Variants in ZBTB20 observed in about 807,000 individuals in gnomAD.
The protein encoded by ZBTB20 is zinc finger and BTB domain containing 20.
A neutral mutation model predicts 56.9 loss-of-function variants in ZBTB20; 9 were observed. The observed-to-expected ratio is 0.16, with a 90% CI of 0.10 to 0.28. The LOEUF (loss-of-function observed/expected upper bound fraction) is 0.28. Ranked by LOEUF, ZBTB20 falls within the 10% of genes least tolerant of loss-of-function variation. The probability of loss-of-function intolerance (pLI) is 1.00; values close to 1 mark genes in which losing one functional copy is unlikely to be tolerated. For missense variants in ZBTB20, 655 were observed against 1,003.0 expected, an observed-to-expected ratio of 0.65 and a Z score of 4.69; for synonymous variants, 417 against 420.7, an observed-to-expected ratio of 0.99 and a Z score of 0.11.
At chr3:114,608,373 C>G (rs2107673073) in intron 6 of ZBTB20, among the ~76,000 whole-genome samples, 1 of 152,202 alleles carries the variant, frequency 6.6e-6, no homozygotes, top group East Asian at 1.9e-4. Flanking sequence ...ATCCAAATGC[C>G]AAGGCCCCTT....
intron 1 of ZBTB20, among the ~76,000 whole-genome samples, chr3:115,121,566 A>C (rs957224144): frequency 5.9e-5 from 9 of 152,068 alleles, no homozygotes; most frequent in African/African-American, 2.4e-5. Context: ...GTCTAGATGC[A>C]TTACTTCAAA....
intron 2 of ZBTB20, among the ~76,000 whole-genome samples, chr3:115,060,946 G>T (rs960153663): frequency 4.6e-5 from 7 of 152,054 alleles, no homozygotes; most frequent in Admixed American, 2.0e-4. Flanking sequence ...GTAGGTTAGA[G>T]AATTCACCTT....
intron 5 of ZBTB20, among the ~76,000 whole-genome samples, chr3:114,787,901 A>G (rs770996638): frequency 6.6e-6 from 1 of 152,158 alleles, no homozygotes. Context: ...CAAAATGAGA[A>G]TGTCTAACAT....
intron 6 of ZBTB20, among the ~76,000 whole-genome samples, chr3:114,521,781 G>A (rs934710816): frequency 6.6e-6 from 1 of 152,122 alleles, no homozygotes; most frequent in African/African-American, 2.4e-5. Flanking sequence ...CTAAGATTCT[G>A]GATAAGCCTG....
chr3:114,421,842 C>A (rs1290199548), intron 7 of ZBTB20, among the ~76,000 whole-genome samples: 2 of 149,430 alleles, frequency 1.3e-5, no homozygotes, highest in South Asian at 2.1e-4. Flanking sequence ...GGGTGGTGAG[C>A]CTTTCAGGGA....
intron 6 of ZBTB20, among the ~76,000 whole-genome samples, chr3:114,631,379 A>ATACT (rs2058931778): frequency 4.5e-5 from 1 of 22,382 alleles, no homozygotes; most frequent in East Asian, 1.5e-3. Flanking sequence ...TAAATAGGTT[A>ATACT]TTCTTTTTTT....
chr3:114,406,427 C>G (rs939065616), intron 7 of ZBTB20, among the ~76,000 whole-genome samples: 1 of 152,130 alleles, frequency 6.6e-6, no homozygotes, highest in African/African-American at 2.4e-5. Flanking sequence ...TCTTTACCAT[C>G]TGGTCTCAAG....
At chr3:115,053,609 GT>G (rs1391187081) in intron 2 of ZBTB20, among the ~76,000 whole-genome samples, 1 of 152,010 alleles carries the variant, frequency 6.6e-6, no homozygotes, top group African/African-American at 2.4e-5. Flanking sequence ...AATTAAGTAT[GT>G]GTATATTAAC....
intron 6 of ZBTB20, among the ~76,000 whole-genome samples, chr3:114,587,484 A>G (rs765004953): frequency 6.6e-6 from 1 of 152,220 alleles, no homozygotes; most frequent in Non-Finnish European, 1.5e-5. Context: ...AAGCGATAAT[A>G]GTACTCATTG....
At chr3:115,076,469 G>A (rs187349557) in intron 1 of ZBTB20, among the ~76,000 whole-genome samples, 8 of 152,176 alleles carry the variant, frequency 5.3e-5, no homozygotes, top group South Asian at 2.1e-4. Flanking sequence ...GGATAGTCTC[G>A]TCAACAAATG....
At chr3:114,801,330 G>GAA (rs779994547) in intron 4 of ZBTB20, among the ~76,000 whole-genome samples, 156 bp from the exon 5 acceptor site, 7 of 67,030 alleles carry the variant, frequency 1.0e-4, no homozygotes, top group Non-Finnish European at 1.9e-4. Flanking sequence ...TTCTGTTAAG[G>GAA]AAAAAAAAAA....
chr3:114,552,733 A>AAAATATAT (rs1342083057), intron 6 of ZBTB20, among the ~76,000 whole-genome samples: 1 of 152,144 alleles, frequency 6.6e-6, no homozygotes, highest in Non-Finnish European at 1.5e-5. Context: ...TGTTGTTAAA[A>AAAATATAT]AAATATATAA....
chr3:114,785,981 T>C (rs1447864331), intron 5 of ZBTB20, among the ~76,000 whole-genome samples: 1 of 152,140 alleles, frequency 6.6e-6, no homozygotes, highest in African/African-American at 2.4e-5. Flanking sequence ...TTTACACTTT[T>C]GAAATCTACT....
intron 2 of ZBTB20, among the ~76,000 whole-genome samples, chr3:115,010,879 G>A (rs1161410118): frequency 6.6e-6 from 1 of 151,936 alleles, no homozygotes; most frequent in Non-Finnish European, 1.5e-5. Context: ...CTGTGTTGAG[G>A]AAACTCAATT....
At chr3:114,515,078 G>T (rs909108087) in intron 6 of ZBTB20, among the ~76,000 whole-genome samples, 1 of 152,146 alleles carries the variant, frequency 6.6e-6, no homozygotes, top group Admixed American at 6.5e-5. Context: ...CTTGAATCCA[G>T]TCTATGCCCT....
Position 114,594,078 on chromosome 3 carries a change from T to A in ZBTB20, c.-294-93687A>T, listed in dbSNP as rs2056079782. On this transcript the variant is annotated intron_variant, in intron 6 of 11. Transcript: ENST00000675478. ...TTTACTATGTGATTAGTAGACAAAG[T>A]ATATACTAAAGAAAGCTGAGGAAGT... Among the ~76,000 whole-genome samples, 3 of 152,096 alleles carry A rather than the reference T, an allele frequency of 2.0e-5. No homozygotes were observed. The South Asian group carries it at 6.2e-4, about 32-fold the overall frequency.
intron 7 of ZBTB20, among the ~76,000 whole-genome samples, chr3:114,424,684 A>T (rs1460415631): frequency 6.6e-6 from 1 of 152,172 alleles, no homozygotes; most frequent in African/African-American, 2.4e-5. Context: ...CCCCTGCACG[A>T]TCTTACAGTT....
At chr3:114,791,765 T>C (rs575253492) in intron 5 of ZBTB20, 1 of 152,322 alleles carries the variant, frequency 6.6e-6, no homozygotes, top group Admixed American at 6.5e-5. Flanking sequence ...ATCTAAATCT[T>C]CTAATATCCA....
At chr3:114,759,470 G>A (rs1242488327) in intron 5 of ZBTB20, among the ~76,000 whole-genome samples, 2 of 151,984 alleles carry the variant, frequency 1.3e-5, no homozygotes, top group Non-Finnish European at 2.9e-5. Context: ...TATCTGCTAG[G>A]GACTCCCTGG....
Sources: gnomAD v4.1 joint callset for allele counts (sites outside exome capture counted in the v4.1 genomes callset) on GRCh38, gnomAD v4.1.1 for gene constraint, MANE v1.5 for transcripts, NCBI Gene and HGNC (gene_info 2026-07-23, HGNC 2026-07-21) for gene names.